CEP83: variants seen among roughly 807,000 people sequenced by gnomAD.
CEP83 encodes centrosomal protein 83, also known as centrosomal protein of 83 kDa.
Under a neutral mutation model 101.9 loss-of-function variants are expected in CEP83, and 70 were observed. The observed-to-expected ratio is 0.69, with a 90% CI of 0.57 to 0.84. CEP83 has a LOEUF of 0.84. Among genes scored for constraint, CEP83 ranks in the 40% least tolerant of loss-of-function variants. The pLI is 0.00. For synonymous variants in CEP83, 264 were observed against 267.9 expected, an observed-to-expected ratio of 0.99 and a Z score of 0.14; for missense variants, 715 against 787.2, an observed-to-expected ratio of 0.91 and a Z score of 1.10.
intron 2 of CEP83, among the ~76,000 whole-genome samples, chr12:94,420,919 T>C (rs2064689625): frequency 6.6e-6 from 1 of 152,176 alleles, no homozygotes; most frequent in Non-Finnish European, 1.5e-5. Flanking sequence ...CAGGAAAATA[T>C]TACTTGATGA....
intron 11 of CEP83, among the ~76,000 whole-genome samples, chr12:94,352,543 T>TAAC (rs1355436938): frequency 2.7e-5 from 4 of 149,880 alleles, no homozygotes; most frequent in African/African-American, 9.8e-5. Flanking sequence ...AAATTAAAAA[T>TAAC]AACAATGTTA....
chr12:94,447,350 C>T (rs1387453205), intron 1 of CEP83, among the ~76,000 whole-genome samples: 1 of 152,090 alleles, frequency 6.6e-6, no homozygotes, highest in Admixed American at 6.5e-5. Context: ...CCCATCTCTA[C>T]AAAAAATAGC....
At chr12:94,305,379 T>C, downstream of CEP83, 1 of 716,770 alleles carries the variant, frequency 1.4e-6, no homozygotes, top group Non-Finnish European at 2.4e-6. Context: ...AATTTGTTGT[T>C]TGCACATAGG....
the CEP83 span, among the ~76,000 whole-genome samples, chr12:94,281,427 C>T: frequency 6.6e-6 from 1 of 152,188 alleles, no homozygotes; most frequent in Non-Finnish European, 1.5e-5. Context: ...CTACAGAAAG[C>T]AGTGGAGCTT....
intron 11 of CEP83, among the ~76,000 whole-genome samples, chr12:94,346,745 C>G (rs1401851342): frequency 2.0e-5 from 3 of 152,188 alleles, no homozygotes; most frequent in African/African-American, 7.2e-5. Flanking sequence ...TGAATGCTTG[C>G]TTGTTGATGG....
At chr12:94,401,056 T>A (rs1360786631) in intron 5 of CEP83, 75 bp from the exon 6 acceptor site, 4 of 759,316 alleles carry the variant, frequency 5.3e-6, no homozygotes, top group Non-Finnish European at 7.5e-6. Flanking sequence ...TTTACAAATA[T>A]AATTTTAAAT....
At position 94,352,962 on chromosome 12, in the gene CEP83, T is replaced by A. The variant is rs375790721; in HGVS notation, c.1343+14832A>T. Among the ~76,000 whole-genome samples the A allele has an allele frequency of 5.3e-5, 8 of 152,236 alleles. No homozygotes were observed. In the East Asian group the frequency reaches 9.7e-4, roughly 18 times the overall value. On this transcript the variant is annotated intron_variant, in intron 11 of 16. Coordinates refer to ENST00000397809, the MANE Select transcript of CEP83 (RefSeq NM_016122.3). ...TCATAACTGTAGAGTTCCCAAGTCT[T>A]AGGAGAGAGATGAACATCCAAATCC...
chr12:94,361,772 G>A (rs900535907), intron 11 of CEP83, among the ~76,000 whole-genome samples: 2 of 151,922 alleles, frequency 1.3e-5, no homozygotes, highest in African/African-American at 4.8e-5. Context: ...CATGGTCTCG[G>A]CTCACCACAA....
At chr12:94,365,227 G>C (rs766318085) in intron 11 of CEP83, among the ~76,000 whole-genome samples, 10 of 152,110 alleles carry the variant, frequency 6.6e-5, no homozygotes, top group Non-Finnish European at 1.2e-4. Flanking sequence ...ATACAAAAAT[G>C]ATATAAAAAT....
chr12:94,434,081 G>A (rs1030065035), intron 2 of CEP83: 3 of 152,062 alleles, frequency 2.0e-5, no homozygotes. Flanking sequence ...ATAAAATAAG[G>A]ATTTTGTTCC....
chr12:94,374,670 T>C (rs1482147294), intron 8 of CEP83, among the ~76,000 whole-genome samples: 8 of 152,190 alleles, frequency 5.3e-5, no homozygotes. Flanking sequence ...CCTAATGATA[T>C]TAGGTAACTT....
intron 1 of CEP83, among the ~76,000 whole-genome samples, chr12:94,439,668 G>A (rs1430037515): frequency 6.6e-6 from 1 of 151,878 alleles, no homozygotes; most frequent in Admixed American, 6.6e-5. Flanking sequence ...AGAAAAAGAG[G>A]GAATCCTCCC....
intron 11 of CEP83, among the ~76,000 whole-genome samples, chr12:94,356,170 TA>T (rs1463696109): frequency 1.3e-5 from 2 of 152,116 alleles, no homozygotes; most frequent in East Asian, 3.9e-4. Context: ...CGAGTACTCT[TA>T]AAGCAATCCC....
chr12:94,378,747 A>T, intron 7 of CEP83, 44 bp downstream of exon 7: 1 of 1,594,668 alleles, frequency 6.3e-7, no homozygotes, highest in Non-Finnish European at 8.6e-7. Context: ...ACTGCACTTT[A>T]AAAAAGTATG....
At chr12:94,396,603 CG>C (rs566029058) in intron 6 of CEP83, among the ~76,000 whole-genome samples, 122 of 151,994 alleles carry the variant, frequency 8.0e-4, no homozygotes, top group Non-Finnish European at 1.3e-3. Flanking sequence ...TGTATTTATT[CG>C]TAAGATGAGA....
At chr12:94,413,833 C>T (rs1396404907) in intron 2 of CEP83, among the ~76,000 whole-genome samples, 1 of 122,366 alleles carries the variant, frequency 8.2e-6, no homozygotes, top group Non-Finnish European at 1.9e-5. Flanking sequence ...CATACACACA[C>T]ACACACACAC....
At chr12:94,286,429 G>A in the CEP83 span, among the ~76,000 whole-genome samples, 4 of 152,034 alleles carry the variant, frequency 2.6e-5, no homozygotes, top group South Asian at 6.3e-4. Flanking sequence ...ATTAAGCAGC[G>A]CCTCCGCAGA....
intron 1 of CEP83, among the ~76,000 whole-genome samples, chr12:94,436,864 G>C (rs895608383): frequency 1.3e-5 from 2 of 149,768 alleles, no homozygotes; most frequent in Non-Finnish European, 3.0e-5. Context: ...AAAAAGAAAA[G>C]AAAAGAGAAG....
At chr12:94,267,235 C>G in the CEP83 span, among the ~76,000 whole-genome samples, 3 of 152,184 alleles carry the variant, frequency 2.0e-5, no homozygotes, top group African/African-American at 7.2e-5. Context: ...ACAGGAAAGA[C>G]AGGAAAGGAG....
Sources: allele counts gnomAD v4.1 joint callset (sites outside exome capture counted in the v4.1 genomes callset), GRCh38; gene constraint gnomAD v4.1.1; transcripts MANE v1.5; gene names NCBI Gene and HGNC (gene_info 2026-07-23, HGNC 2026-07-21).